Variants in HS6ST3 observed in about 807,000 individuals in gnomAD.
HS6ST3 encodes heparan sulfate 6-O-sulfotransferase 3.
A neutral mutation model predicts 36.7 loss-of-function variants in HS6ST3; 12 were observed. That is an observed-to-expected ratio of 0.33 (90% CI 0.21 to 0.53). The LOEUF (loss-of-function observed/expected upper bound fraction) is 0.53, where lower values mean the gene tolerates loss of function less well. Ranked by LOEUF, HS6ST3 falls within the 20% of genes least tolerant of loss-of-function variation. The pLI is 0.95. For missense variants in HS6ST3, 584 were observed against 640.9 expected, an observed-to-expected ratio of 0.91 and a Z score of 0.96; for synonymous variants, 240 against 257.5, an observed-to-expected ratio of 0.93 and a Z score of 0.65.
chr13:96,568,990 C>G (rs774246980), intron 1 of HS6ST3, among the ~76,000 whole-genome samples: 1 of 152,126 alleles, frequency 6.6e-6, no homozygotes, highest in Non-Finnish European at 1.5e-5. Flanking sequence ...GTAACACTGT[C>G]TAACCATATC....
chr13:96,578,218 C>T (rs930215103), intron 1 of HS6ST3, among the ~76,000 whole-genome samples: 12 of 152,194 alleles, frequency 7.9e-5, no homozygotes, highest in Admixed American at 3.9e-4. Context: ...CTATTTGGCT[C>T]CATGAGGAAT....
At chr13:96,496,266 G>C (rs2138909488) in intron 1 of HS6ST3, among the ~76,000 whole-genome samples, 1 of 152,260 alleles carries the variant, frequency 6.6e-6, no homozygotes. Flanking sequence ...TGAGGAATGT[G>C]GGGAGAGAAG....
chr13:96,529,300 G>C (rs1328167402), intron 1 of HS6ST3, among the ~76,000 whole-genome samples: 3 of 152,082 alleles, frequency 2.0e-5, no homozygotes, highest in African/African-American at 2.4e-5. Context: ...CTGAAGACAA[G>C]GGTGTATCAT....
intron 1 of HS6ST3, among the ~76,000 whole-genome samples, chr13:96,314,039 A>C (rs534608971): frequency 1.3e-5 from 2 of 152,262 alleles, no homozygotes; most frequent in East Asian, 3.9e-4. Context: ...CATCTCTACC[A>C]AAAATACAAA....
chr13:96,208,537 A>G (rs1312103112), intron 1 of HS6ST3, among the ~76,000 whole-genome samples: 3 of 152,204 alleles, frequency 2.0e-5, no homozygotes, highest in African/African-American at 2.4e-5. Context: ...AGATTTACTA[A>G]TACCAAGTAT....
At chr13:96,815,975 C>T (rs2138538468) in intron 1 of HS6ST3, among the ~76,000 whole-genome samples, 1 of 152,240 alleles carries the variant, frequency 6.6e-6, no homozygotes, top group Non-Finnish European at 1.5e-5. Context: ...TTAGAAGGGG[C>T]AGGGCTCTGA....
At chr13:96,633,080 T>C (rs147453043) in intron 1 of HS6ST3, among the ~76,000 whole-genome samples, 105 of 152,332 alleles carry the variant, frequency 6.9e-4, no homozygotes, top group African/African-American at 2.5e-3. Flanking sequence ...AGTAGCAGAA[T>C]TGGCAGTGTG....
At chr13:96,267,171 C>T (rs1159081658) in intron 1 of HS6ST3, among the ~76,000 whole-genome samples, 1 of 152,170 alleles carries the variant, frequency 6.6e-6, no homozygotes. Context: ...TGTGCCTTTG[C>T]TCCTCCTTCA....
At chr13:96,802,325 G>T (rs370084770) in intron 1 of HS6ST3, among the ~76,000 whole-genome samples, 7 of 152,248 alleles carry the variant, frequency 4.6e-5, no homozygotes, top group African/African-American at 1.4e-4. Flanking sequence ...AACCAAGAGG[G>T]TCTACTCCAT....
At chr13:96,717,231 C>T (rs1307257287) in intron 1 of HS6ST3, among the ~76,000 whole-genome samples, 1 of 152,166 alleles carries the variant, frequency 6.6e-6, no homozygotes, top group Non-Finnish European at 1.5e-5. Context: ...TGTGGCAGAT[C>T]ATATGATTCT....
chr13:96,168,778 A>C (rs975876375), intron 1 of HS6ST3, among the ~76,000 whole-genome samples: 5 of 151,942 alleles, frequency 3.3e-5, no homozygotes, highest in Non-Finnish European at 5.9e-5. Context: ...TTACTTTTTA[A>C]TTTTTTATGA....
chr13:96,451,252 G>T (rs1275381885), intron 1 of HS6ST3, among the ~76,000 whole-genome samples: 1 of 151,848 alleles, frequency 6.6e-6, no homozygotes, highest in Admixed American at 6.6e-5. Flanking sequence ...TAAATCCAAT[G>T]ATGTTGATAT....
intron 1 of HS6ST3, among the ~76,000 whole-genome samples, chr13:96,388,994 A>G (rs1036886750): frequency 2.6e-5 from 4 of 152,208 alleles, no homozygotes; most frequent in African/African-American, 9.6e-5. Flanking sequence ...TTTTGGCTAC[A>G]TCCTTAACCT....
intron 1 of HS6ST3, among the ~76,000 whole-genome samples, chr13:96,208,727 T>C (rs2054384216): frequency 6.6e-6 from 1 of 152,208 alleles, no homozygotes; most frequent in Admixed American, 6.6e-5. Context: ...CAGTGTTAAA[T>C]AGTAGCAGTC....
At chr13:96,392,285 GATTA>G (rs1244715096) in intron 1 of HS6ST3, among the ~76,000 whole-genome samples, 3 of 152,108 alleles carry the variant, frequency 2.0e-5, no homozygotes, top group Admixed American at 6.6e-5. Flanking sequence ...AAGACTAATT[GATTA>G]ATTAATTTAT....
At chr13:96,258,499 T>C (rs2054648492) in intron 1 of HS6ST3, among the ~76,000 whole-genome samples, 1 of 152,208 alleles carries the variant, frequency 6.6e-6, no homozygotes, top group Non-Finnish European at 1.5e-5. Flanking sequence ...TGAGCCCCAA[T>C]TGTTTGTTGA....
rs184976088 is a variant in HS6ST3 at position 96,600,678 on chromosome 13, T to C, written c.708-231812T>C. Reference sequence around the variant, plus strand: ...AACCATTTACATTCAATGTTAATATTGTATATGAGATTCTGCTCCAGTCAT... The same window carrying C: ...AACCATTTACATTCAATGTTAATATCGTATATGAGATTCTGCTCCAGTCAT... On this transcript the variant is annotated intron_variant, in intron 1 of 1. Transcript: ENST00000376705. 3.3e-5 allele frequency among the ~76,000 whole-genome samples: 5 copies of C among 152,220 alleles called. No individual in the cohort carries two copies. In the East Asian group the frequency reaches 9.7e-4, roughly 29 times the overall value.
chr13:96,371,250 A>G (rs933745721), intron 1 of HS6ST3, among the ~76,000 whole-genome samples: 13 of 152,200 alleles, frequency 8.5e-5, no homozygotes, highest in African/African-American at 2.9e-4. Flanking sequence ...ATGAATTGGT[A>G]TTTCATGGTG....
At chr13:96,144,755 G>A (rs2054048591) in intron 1 of HS6ST3, among the ~76,000 whole-genome samples, 1 of 148,044 alleles carries the variant, frequency 6.8e-6, no homozygotes, top group Admixed American at 6.7e-5. Flanking sequence ...TCGTCATTTA[G>A]CATTAGGTAT....
Sources: allele counts gnomAD v4.1 joint callset (sites outside exome capture counted in the v4.1 genomes callset), GRCh38; gene constraint gnomAD v4.1.1; transcripts MANE v1.5; gene names NCBI Gene and HGNC (gene_info 2026-07-23, HGNC 2026-07-21).